The following EYS variants were observed in gnomAD, a reference collection of about 807,000 sequenced individuals.
The protein encoded by EYS is protein eyes shut homolog.
EYS carries 250 observed loss-of-function variants against 282.1 expected under a neutral mutation model. The observed-to-expected ratio is 0.89, with a 90% confidence interval of 0.80 to 0.98. The LOEUF (loss-of-function observed/expected upper bound fraction) is 0.98. Among genes scored for constraint, EYS ranks in the 50% least tolerant of loss-of-function variants. EYS has a pLI of 0.00. For missense variants in EYS, 4,016 were observed against 3,709.0 expected (o/e 1.08, Z -2.15); for synonymous variants, 1,355 against 1,282.9 (o/e 1.06, Z -1.20).
intron 13 of EYS, among the ~76,000 whole-genome samples, chr6:65,037,903 T>A (rs1035178348): frequency 6.6e-6 from 1 of 151,680 alleles, no homozygotes; most frequent in Non-Finnish European, 1.5e-5. Context: ...GAGTTTATAC[T>A]CATATCTCCA....
intron 2 of EYS, among the ~76,000 whole-genome samples, chr6:65,522,139 A>G (rs1332129357): frequency 6.6e-6 from 1 of 152,152 alleles, no homozygotes; most frequent in Non-Finnish European, 1.5e-5. Context: ...TCTGATGTAA[A>G]TCTATTATGT....
intron 35 of EYS, among the ~76,000 whole-genome samples, chr6:63,934,545 C>T (rs1286512579): frequency 2.6e-5 from 4 of 152,080 alleles, no homozygotes; most frequent in Non-Finnish European, 5.9e-5. Flanking sequence ...GTGGCACATA[C>T]ACACCATGGA....
chr6:65,548,897 T>A (rs1400088612), intron 2 of EYS, among the ~76,000 whole-genome samples: 2 of 152,190 alleles, frequency 1.3e-5, no homozygotes, highest in Non-Finnish European at 2.9e-5. Context: ...GTTCCCAACC[T>A]TTTTGGCACC....
chr6:63,992,297 T>C (rs531033346), intron 34 of EYS, among the ~76,000 whole-genome samples: 1 of 152,004 alleles, frequency 6.6e-6, no homozygotes, highest in South Asian at 2.1e-4. Context: ...TTATGGTTTT[T>C]ATTCTGAAAT....
chr6:64,446,670 GGAATATTATGAGA>G (rs1561999397), intron 26 of EYS, among the ~76,000 whole-genome samples: 1 of 151,510 alleles, frequency 6.6e-6, no homozygotes, highest in East Asian at 1.9e-4. Context: ...TGTGAAAGTT[GGAATATTATGAGA>G]GAATAATTGA....
At position 65,275,802 on chromosome 6, in the gene EYS, T is replaced by C. The variant is rs1348079155; in HGVS notation, c.2023+20061A>G. 3.3e-5 allele frequency among the ~76,000 whole-genome samples: 5 copies of C among 152,302 alleles called. No homozygotes were observed. In the South Asian group the frequency reaches 8.3e-4, roughly 25 times the overall value. On this transcript the variant is annotated intron_variant, in intron 12 of 42. Transcript: ENST00000503581. ...GCCAGCTAGCTACCTGGTGGCAGAT[T>C]GGTTACTTGAAACATTGTCATCACA...
At chr6:63,948,653 A>AT (rs908863013) in intron 35 of EYS, among the ~76,000 whole-genome samples, 146 of 150,898 alleles carry the variant, frequency 9.7e-4, no homozygotes, top group African/African-American at 2.9e-3. Flanking sequence ...TCCTGAACCA[A>AT]TTTTTTTTTC....
intron 26 of EYS, among the ~76,000 whole-genome samples, chr6:64,474,264 C>A (rs1181955666): frequency 6.6e-6 from 1 of 152,064 alleles, no homozygotes; most frequent in Admixed American, 6.6e-5. Context: ...ATAACTTGTT[C>A]AACTAAGGCT....
At chr6:65,227,252 A>G (rs1203316513) in intron 12 of EYS, among the ~76,000 whole-genome samples, 1 of 152,196 alleles carries the variant, frequency 6.6e-6, no homozygotes, top group Admixed American at 6.5e-5. Flanking sequence ...ATTCCACAAT[A>G]TATGACATGT....
At chr6:65,318,739 T>C (rs1769385834) in intron 11 of EYS, among the ~76,000 whole-genome samples, 2 of 150,694 alleles carry the variant, frequency 1.3e-5, no homozygotes, top group Non-Finnish European at 3.0e-5. Flanking sequence ...CCTCCTGGGT[T>C]CAAGCGATTC....
At chr6:65,059,964 G>A (rs977165310) in intron 12 of EYS, among the ~76,000 whole-genome samples, 3 of 151,974 alleles carry the variant, frequency 2.0e-5, no homozygotes, top group African/African-American at 7.2e-5. Flanking sequence ...CAATCACCCT[G>A]TCCCTCTCTA....
At chr6:65,281,035 C>CAAAAAAAAAAAA (rs35633005) in intron 12 of EYS, among the ~76,000 whole-genome samples, 1 of 101,974 alleles carries the variant, frequency 9.8e-6, no homozygotes, top group Non-Finnish European at 1.8e-5. Flanking sequence ...GATGCCATCT[C>CAAAAAAAAAAAA]AAAAAAAAAA....
intron 34 of EYS, among the ~76,000 whole-genome samples, chr6:63,997,109 G>A (rs985417616): frequency 7.2e-5 from 11 of 152,270 alleles, no homozygotes; most frequent in South Asian, 2.1e-4. Context: ...GCCAAAGTCC[G>A]TGACTCTTAA....
At chr6:65,687,012 T>G (rs2149841557) in intron 1 of EYS, among the ~76,000 whole-genome samples, 1 of 152,188 alleles carries the variant, frequency 6.6e-6, no homozygotes, top group South Asian at 2.1e-4. Flanking sequence ...ATAATTATTC[T>G]ATAGAAATAA....
chr6:63,948,199 T>A (rs1765454966), intron 35 of EYS, among the ~76,000 whole-genome samples: 1 of 152,208 alleles, frequency 6.6e-6, no homozygotes, highest in Non-Finnish European at 1.5e-5. Flanking sequence ...TAATCATACT[T>A]GGCTGCACAG....
At chr6:65,260,133 G>A (rs978828754) in intron 12 of EYS, among the ~76,000 whole-genome samples, 1 of 151,978 alleles carries the variant, frequency 6.6e-6, no homozygotes, top group Non-Finnish European at 1.5e-5. Context: ...TCTCAAGGCA[G>A]CCAAAAGGAG....
intron 2 of EYS, among the ~76,000 whole-genome samples, chr6:65,598,289 C>A (rs1310523467): frequency 7.9e-6 from 1 of 125,986 alleles, no homozygotes; most frequent in East Asian, 2.6e-4. Flanking sequence ...GTATTTAGTA[C>A]TTCCTTCTTT....
intron 30 of EYS, among the ~76,000 whole-genome samples, chr6:64,235,527 G>A (rs1268144574): frequency 1.3e-5 from 2 of 152,062 alleles, no homozygotes; most frequent in African/African-American, 4.8e-5. Context: ...CTTTGCTATT[G>A]TGAATAGTGC....
chr6:65,668,771 T>A (rs947695829), intron 1 of EYS, among the ~76,000 whole-genome samples: 1 of 151,974 alleles, frequency 6.6e-6, no homozygotes, highest in East Asian at 1.9e-4. Context: ...ACTACTTTGT[T>A]TTCACTAGTT....
Sources: gnomAD v4.1 joint callset for allele counts (sites outside exome capture counted in the v4.1 genomes callset) on GRCh38, gnomAD v4.1.1 for gene constraint, MANE v1.5 for transcripts, NCBI Gene and HGNC (gene_info 2026-07-23, HGNC 2026-07-21) for gene names.